ATXN1: variants seen among roughly 807,000 people sequenced by gnomAD.
ATXN1 encodes ataxin-1.
ATXN1 carries 8 observed loss-of-function variants against 56.4 expected under a neutral mutation model. The ratio of observed to expected loss-of-function variants is 0.14; its 90% CI spans 0.08 to 0.26. ATXN1 has a LOEUF of 0.26. Among genes scored for constraint, ATXN1 ranks in the 10% least tolerant of loss-of-function variants. The probability of loss-of-function intolerance (pLI) is 1.00; values close to 1 mark genes in which losing one functional copy is unlikely to be tolerated. For synonymous variants in ATXN1, 514 were observed against 494.6 expected (o/e 1.04, Z -0.52); for missense variants, 987 against 1,106.5 (o/e 0.89, Z 1.53).
At chr6:16,533,183 C>A (rs1360395572) in intron 4 of ATXN1, among the ~76,000 whole-genome samples, 2 of 151,952 alleles carry the variant, frequency 1.3e-5, no homozygotes, top group African/African-American at 4.8e-5. Flanking sequence ...GAACTGTACA[C>A]TTAAAAATGG....
chr6:16,716,557 G>A (rs899801536), intron 2 of ATXN1, among the ~76,000 whole-genome samples: 11 of 152,128 alleles, frequency 7.2e-5, no homozygotes, highest in Non-Finnish European at 1.5e-4. Context: ...CAGGGTTGTG[G>A]GGGTGCAAAA....
intron 6 of ATXN1, among the ~76,000 whole-genome samples, chr6:16,404,686 ACGCGCACTCGCGCG>A: frequency 7.6e-6 from 1 of 132,000 alleles, no homozygotes; most frequent in East Asian, 2.2e-4. Context: ...ACGCACATGC[ACGCGCACTCGCGCG>A]CGCGCACACA....
In ATXN1 at chr6:16,676,746, A is replaced by T. The variant is rs180846987; in HGVS notation, c.-614-18845T>A. Among the ~76,000 whole-genome samples the T allele has an allele frequency of 7.2e-3, 1,104 of 152,348 alleles. 8 individuals are homozygous for T. Among genetic ancestry groups the T allele is most frequent in the Middle Eastern group, 0.014 (4 of 294 alleles). ...TCGGTTATGGACTGCTTGTTGTGAT[A>T]AAATAATTTTAGTATGATTCCTTCT... is the stretch of plus-strand genomic sequence containing the variant. On this transcript the variant is annotated intron_variant, in intron 2 of 7. Coordinates refer to ENST00000436367, the MANE Select transcript of ATXN1 (RefSeq NM_001128164.2).
chr6:16,544,577 T>G lies in ATXN1; in HGVS notation c.-360-21889A>C, dbSNP rs568326151. 5.3e-5 allele frequency among the ~76,000 whole-genome samples: 8 copies of G among 152,270 alleles called. No individual in the cohort carries two copies. In the South Asian group the frequency reaches 1.7e-3, roughly 32 times the overall value. On this transcript the variant is annotated intron_variant, in intron 4 of 7. Transcript: ENST00000436367. ...TACATCTGGGATGCTGTGGGGTGCT[T>G]GCAACCTATAGACAGCAGGTGTTTT...
At chr6:16,408,797 G>C (rs947364463) in intron 6 of ATXN1, among the ~76,000 whole-genome samples, 1 of 152,212 alleles carries the variant, frequency 6.6e-6, no homozygotes, top group Non-Finnish European at 1.5e-5. Context: ...CTGGAGGGTA[G>C]TGGCATGTTC....
intron 4 of ATXN1, among the ~76,000 whole-genome samples, chr6:16,582,916 T>G (rs236968): frequency 0.19 from 28,891 of 152,166 alleles, 4,839 homozygotes; most frequent in African/African-American, 0.45. Context: ...CTACCGTTAC[T>G]TGAGGCCTTC....
At chr6:16,401,068 T>TAAA (rs1758559874) in intron 6 of ATXN1, among the ~76,000 whole-genome samples, 1 of 152,214 alleles carries the variant, frequency 6.6e-6, no homozygotes, top group South Asian at 2.1e-4. Context: ...GTGTCCAGTG[T>TAAA]CCTTACATTA....
intron 6 of ATXN1, among the ~76,000 whole-genome samples, chr6:16,454,079 G>A (rs1204743327): frequency 2.2e-5 from 3 of 136,806 alleles, no homozygotes; most frequent in Non-Finnish European, 4.6e-5. Flanking sequence ...GCAGTGAGCT[G>A]AGATGGCTGG....
intron 7 of ATXN1, among the ~76,000 whole-genome samples, chr6:16,309,664 A>G (rs1478683311): frequency 1.3e-5 from 2 of 152,244 alleles, no homozygotes; most frequent in African/African-American, 2.4e-5. Context: ...AGAAATCCTC[A>G]CTGAGGCAGA....
At chr6:16,742,769 C>T (rs1032138979) in intron 2 of ATXN1, among the ~76,000 whole-genome samples, 4 of 152,190 alleles carry the variant, frequency 2.6e-5, no homozygotes, top group Non-Finnish European at 4.4e-5. Context: ...GGACCTCCTA[C>T]CCCACCGGTT....
chr6:16,604,318 C>G (rs1762962300), intron 3 of ATXN1, among the ~76,000 whole-genome samples: 2 of 118,938 alleles, frequency 1.7e-5, no homozygotes, highest in Admixed American at 1.9e-4. Flanking sequence ...CAGCAAAACT[C>G]TGTCTCAAAA....
At chr6:16,551,750 C>T (rs971898437) in intron 4 of ATXN1, among the ~76,000 whole-genome samples, 1 of 152,038 alleles carries the variant, frequency 6.6e-6, no homozygotes, top group African/African-American at 2.4e-5. Context: ...GCCTGCTGCA[C>T]GTCTCTACAC....
intron 6 of ATXN1, among the ~76,000 whole-genome samples, chr6:16,437,972 C>T (rs981458939): frequency 6.6e-6 from 1 of 152,134 alleles, no homozygotes; most frequent in African/African-American, 2.4e-5. Context: ...CACTTCTGGT[C>T]GGGACTTCTT....
chr6:16,406,140 TTCTC>T (rs1317983010), intron 6 of ATXN1, among the ~76,000 whole-genome samples: 2 of 152,306 alleles, frequency 1.3e-5, no homozygotes, highest in Non-Finnish European at 2.9e-5. Context: ...TTATCTTCTT[TTCTC>T]TCTCTTTTTT....
intron 5 of ATXN1, among the ~76,000 whole-genome samples, chr6:16,507,160 T>C (rs1449534613): frequency 6.6e-6 from 1 of 152,218 alleles, no homozygotes; most frequent in Non-Finnish European, 1.5e-5. Flanking sequence ...TATGAATTTG[T>C]CCAATTTTTT....
rs956626301 is a variant in ATXN1 at position 16,599,559 on chromosome 6, A to T, written c.-488-13652T>A. On this transcript the variant is annotated intron_variant, in intron 3 of 7. Transcript: ENST00000436367. ...AACCTTGTCTCTACTAAAAATACAA[A>T]AATTAGCTGGGTATGGTGGCACGTG... is the stretch of plus-strand genomic sequence containing the variant. Among the ~76,000 whole-genome samples the T allele has an allele frequency of 7.0e-4, 107 of 152,150 alleles. 1 individual carries two copies. The highest frequency in any genetic ancestry group is 3.4e-3 in the Middle Eastern group (1 of 294).
In ATXN1 at chr6:16,502,545, C is replaced by T. The variant is rs1402402400; in HGVS notation, c.-298-16436G>A. On this transcript the variant is annotated intron_variant, in intron 5 of 7. Coordinates refer to ENST00000436367, the MANE Select transcript of ATXN1 (RefSeq NM_001128164.2). ...AAACAGTAGGATTCTGGCTATAGAC[C>T]GTAAAGAAACAAAACTTGCCCAGAA... Among the ~76,000 whole-genome samples, 28 of 152,012 alleles carry T rather than the reference C, an allele frequency of 1.8e-4. 1 individual carries two copies. The highest frequency in any genetic ancestry group is 1.3e-4 in the Admixed American group (2 of 15,266).
At chr6:16,586,302 ATTTG>A (rs1762623266) in intron 3 of ATXN1, among the ~76,000 whole-genome samples, 1 of 152,228 alleles carries the variant, frequency 6.6e-6, no homozygotes, top group African/African-American at 2.4e-5. Flanking sequence ...ACATTGCTGA[ATTTG>A]ATGCTCTCTT....
intron 6 of ATXN1, among the ~76,000 whole-genome samples, chr6:16,391,689 A>T (rs1758357605): frequency 6.6e-6 from 1 of 152,188 alleles, no homozygotes; most frequent in Non-Finnish European, 1.5e-5. Context: ...CTGGCTCTGG[A>T]AGGCAGCGGA....
Sources: gnomAD v4.1 joint callset for allele counts (sites outside exome capture counted in the v4.1 genomes callset) on GRCh38, gnomAD v4.1.1 for gene constraint, MANE v1.5 for transcripts, NCBI Gene and HGNC (gene_info 2026-07-23, HGNC 2026-07-21) for gene names.